Variants in FKBP5 observed in about 807,000 individuals in gnomAD.
The protein encoded by FKBP5 is FKBP prolyl isomerase 5, also known as peptidyl-prolyl cis-trans isomerase FKBP5.
In FKBP5, 23 loss-of-function variants were observed where a neutral mutation model predicts 50.5. The ratio of observed to expected loss-of-function variants is 0.46; its 90% CI spans 0.33 to 0.65. The LOEUF is 0.65. Ranked by LOEUF, FKBP5 falls within the 30% of genes least tolerant of loss-of-function variation. The probability of loss-of-function intolerance (pLI) is 0.02; values close to 1 mark genes in which losing one functional copy is unlikely to be tolerated. For missense variants in FKBP5, 411 were observed against 553.1 expected (o/e 0.74, Z 2.58); for synonymous variants, 176 against 190.6 (o/e 0.92, Z 0.63).
intron 5 of FKBP5, chr6:35,608,014 C>T (rs1391603309): frequency 4.6e-5 from 7 of 151,476 alleles, no homozygotes; most frequent in African/African-American, 1.7e-4. Context: ...AAATGTGGTA[C>T]ATATATACCA....
chr6:35,577,926 C>T lies in FKBP5; in HGVS notation c.1027-693G>A, dbSNP rs1284851189. ...AAAATTAGCTGGGCATGGTGGCAGG[C>T]GCCTGTAATCCCAGCTACTTGGGAG... On this transcript the variant is annotated intron_variant, in intron 9 of 10. Coordinates refer to ENST00000357266, the MANE Select transcript of FKBP5 (RefSeq NM_004117.4). Among the ~76,000 whole-genome samples the T allele has an allele frequency of 3.3e-5, 5 of 151,642 alleles. No individual in the cohort carries two copies. In the East Asian group the frequency reaches 7.8e-4, roughly 24 times the overall value.
intron 2 of FKBP5, among the ~76,000 whole-genome samples, chr6:35,707,288 C>T (rs1247017822): frequency 6.9e-6 from 1 of 145,798 alleles, no homozygotes; most frequent in African/African-American, 2.6e-5. Flanking sequence ...GTGATCTCGG[C>T]TCACCACAAC....
intron 1 of FKBP5, among the ~76,000 whole-genome samples, chr6:35,722,292 A>T (rs910392671): frequency 6.6e-6 from 1 of 152,164 alleles, no homozygotes; most frequent in African/African-American, 2.4e-5. Flanking sequence ...CACCTGGCAA[A>T]CATCAGCGCT....
intron 2 of FKBP5, among the ~76,000 whole-genome samples, chr6:35,712,250 C>T (rs1243608089): frequency 1.3e-5 from 2 of 151,748 alleles, no homozygotes; most frequent in Non-Finnish European, 1.5e-5. Flanking sequence ...TTATCCCCTG[C>T]GCCAAAGTGA....
chr6:35,601,719 T>C (rs887832823), intron 5 of FKBP5, among the ~76,000 whole-genome samples: 2 of 152,174 alleles, frequency 1.3e-5, no homozygotes, highest in African/African-American at 4.8e-5. Flanking sequence ...GTGCAGCCTG[T>C]AGGGCTCAGG....
intron 2 of FKBP5, 29 bp downstream of exon 2, chr6:35,642,691 T>C (rs1467438327): frequency 1.3e-6 from 2 of 1,564,996 alleles, no homozygotes; most frequent in Non-Finnish European, 1.8e-6. Context: ...GCAGGTTTCC[T>C]TGTATGTCAC....
intron 5 of FKBP5, among the ~76,000 whole-genome samples, chr6:35,603,399 G>A (rs1193224831): frequency 1.3e-5 from 2 of 152,156 alleles, no homozygotes; most frequent in African/African-American, 2.4e-5. Flanking sequence ...TACTTCTTTT[G>A]TGCCTCACAG....
chr6:35,587,373 G>A (rs1762634822), intron 7 of FKBP5, among the ~76,000 whole-genome samples: 1 of 152,150 alleles, frequency 6.6e-6, no homozygotes, highest in South Asian at 2.1e-4. Context: ...AACACAGTAA[G>A]GAACGTACTC....
chr6:35,620,570 A>G (rs954150502), intron 3 of FKBP5, among the ~76,000 whole-genome samples: 15 of 151,656 alleles, frequency 9.9e-5, no homozygotes, highest in African/African-American at 3.6e-4. Context: ...CTCTAAAAAA[A>G]AAAAAAAAAC....
chr6:35,700,065 A>G (rs1056892745), intron 2 of FKBP5, among the ~76,000 whole-genome samples: 11 of 152,044 alleles, frequency 7.2e-5, no homozygotes, highest in Admixed American at 2.0e-4. Context: ...AAATGCAACT[A>G]CCCTGAAGAA....
chr6:35,575,011 G>A lies in FKBP5; in HGVS notation c.*824C>T, dbSNP rs1762170313. The A allele has an allele frequency of 6.6e-6, 1 of 152,192 alleles. No individual in the cohort carries two copies. The highest frequency in any genetic ancestry group is 1.5e-5 in the Non-Finnish European group (1 of 68,040). 9.4% of individuals were successfully genotyped at this position (152,192 alleles called of 1,614,324 possible). A position where few individuals can be genotyped will look rare whatever the true frequency, so the allele number is the denominator to read the frequency against. On this transcript the variant is annotated 3_prime_UTR_variant, in exon 11 of 11. Coordinates refer to ENST00000357266, the MANE Select transcript of FKBP5 (RefSeq NM_004117.4). ...ATTATTCCCTAAAAGGAATAGAGGA[G>A]GGGAGAAAAAGCACAATTCTGATTG...
At chr6:35,650,084 C>T (rs768294695) in intron 1 of FKBP5, among the ~76,000 whole-genome samples, 1 of 152,004 alleles carries the variant, frequency 6.6e-6, no homozygotes, top group African/African-American at 2.4e-5. Context: ...GAATGCCAGG[C>T]GCAGTGGCTC....
chr6:35,610,739 G>T (rs1260431917), intron 5 of FKBP5, among the ~76,000 whole-genome samples: 1 of 151,426 alleles, frequency 6.6e-6, no homozygotes, highest in Non-Finnish European at 1.5e-5. Flanking sequence ...TTTAGCTTGG[G>T]AGAAAAAGTC....
chr6:35,602,291 T>A (rs1192067816), intron 5 of FKBP5, among the ~76,000 whole-genome samples: 2 of 152,122 alleles, frequency 1.3e-5, no homozygotes, highest in African/African-American at 4.8e-5. Flanking sequence ...AACAAAAAGC[T>A]GTAAATGCTC....
At chr6:35,637,239 C>T in intron 2 of FKBP5, 81 bp from the exon 3 acceptor site, 4 of 1,232,752 alleles carry the variant, frequency 3.2e-6, no homozygotes, top group Non-Finnish European at 4.6e-6. Flanking sequence ...ACAGTCCATC[C>T]CAAGACATCC....
At chr6:35,632,432 C>A (rs1764188974) in intron 3 of FKBP5, among the ~76,000 whole-genome samples, 1 of 152,108 alleles carries the variant, frequency 6.6e-6, no homozygotes, top group Non-Finnish European at 1.5e-5. Context: ...CAATAATAAT[C>A]AACATCTGAG....
At position 35,586,493 on chromosome 6, in the gene FKBP5, G is replaced by A. The variant is rs1762602796; in HGVS notation, c.840+541C>T. 21 of 989,238 alleles carry A rather than the reference G, an allele frequency of 2.1e-5. No individual in the cohort carries two copies. In the South Asian group the frequency reaches 8.7e-4, roughly 41 times the overall value. The allele number at this position is 989,238 out of a possible 1,614,324, so 61.3% of individuals were successfully genotyped here. ...CAGTCTAAAGGAAGATGGGCCCGGT[G>A]CAGTGGCTCACGCCTGTAATCTCAG... On this transcript the variant is annotated intron_variant, in intron 8 of 10. Transcript: ENST00000357266.
chr6:35,695,858 C>G (rs1037017430), intron 2 of FKBP5, among the ~76,000 whole-genome samples: 42 of 152,102 alleles, frequency 2.8e-4, no homozygotes, highest in African/African-American at 9.9e-4. Flanking sequence ...TAAAGACAGT[C>G]TTTAGGCCGG....
intron 2 of FKBP5, among the ~76,000 whole-genome samples, chr6:35,696,175 A>G (rs1197983050): frequency 6.8e-6 from 1 of 147,316 alleles, no homozygotes; most frequent in East Asian, 2.0e-4. Context: ...GACAGTCTTT[A>G]GTGGAATGTA....
Sources: allele counts gnomAD v4.1 joint callset (sites outside exome capture counted in the v4.1 genomes callset), GRCh38; gene constraint gnomAD v4.1.1; transcripts MANE v1.5; gene names NCBI Gene and HGNC (gene_info 2026-07-23, HGNC 2026-07-21).